Variants in CACNA2D3 observed in about 807,000 individuals in gnomAD.
CACNA2D3 encodes the protein voltage-dependent calcium channel subunit alpha-2/delta-3.
A neutral mutation model predicts 160.6 loss-of-function variants in CACNA2D3; 60 were observed. The ratio of observed to expected loss-of-function variants is 0.37; its 90% CI spans 0.30 to 0.46. CACNA2D3 has a LOEUF of 0.46. Among genes scored for constraint, CACNA2D3 ranks in the 20% least tolerant of loss-of-function variants. CACNA2D3 has a pLI of 1.00. For missense variants in CACNA2D3, 1,205 were observed against 1,365.0 expected, an observed-to-expected ratio of 0.88 and a Z score of 1.85; for synonymous variants, 558 against 492.9, an observed-to-expected ratio of 1.13 and a Z score of -1.75.
chr3:54,474,240 C>T (rs1420517519), intron 4 of CACNA2D3, among the ~76,000 whole-genome samples: 2 of 152,158 alleles, frequency 1.3e-5, no homozygotes, highest in Non-Finnish European at 2.9e-5. Flanking sequence ...GAGTTCATGT[C>T]CTTTGCGGGG....
intron 17 of CACNA2D3, among the ~76,000 whole-genome samples, chr3:54,860,016 A>G (rs1237625707): frequency 6.6e-6 from 1 of 151,114 alleles, no homozygotes; most frequent in Admixed American, 6.6e-5. Context: ...ACACACACAA[A>G]CACACATATT....
chr3:54,663,887 C>T (rs373442083), intron 11 of CACNA2D3, among the ~76,000 whole-genome samples: 2 of 152,202 alleles, frequency 1.3e-5, no homozygotes, highest in African/African-American at 4.8e-5. Flanking sequence ...TCCCTTCTTG[C>T]GTCCTGATGG....
intron 35 of CACNA2D3, among the ~76,000 whole-genome samples, chr3:55,040,360 G>A (rs1703930857): frequency 6.6e-6 from 1 of 152,030 alleles, no homozygotes; most frequent in South Asian, 2.1e-4. Flanking sequence ...AACCATATCA[G>A]CATAATAATT....
At chr3:54,981,180 C>A (rs1229983855) in intron 29 of CACNA2D3, among the ~76,000 whole-genome samples, 1 of 152,206 alleles carries the variant, frequency 6.6e-6, no homozygotes, top group East Asian at 1.9e-4. Flanking sequence ...GAAATGTCAT[C>A]CAGTTCTTTT....
chr3:54,606,905 C>G (rs1258253818), intron 9 of CACNA2D3, among the ~76,000 whole-genome samples: 2 of 152,192 alleles, frequency 1.3e-5, no homozygotes, highest in East Asian at 3.9e-4. Context: ...ATCTCCCAGT[C>G]CTGTGCTGCA....
intron 2 of CACNA2D3, among the ~76,000 whole-genome samples, chr3:54,228,740 C>G (rs1701717735): frequency 6.6e-6 from 1 of 152,232 alleles, no homozygotes; most frequent in South Asian, 2.1e-4. Context: ...ATAATAGCCT[C>G]AGTCTGAATT....
chr3:54,359,500 T>G (rs2107540015), intron 3 of CACNA2D3, among the ~76,000 whole-genome samples: 1 of 152,272 alleles, frequency 6.6e-6, no homozygotes, highest in Non-Finnish European at 1.5e-5. Context: ...TCCACATAGC[T>G]TAGGCCTGGA....
chr3:54,706,596 A>C (rs995775062), intron 11 of CACNA2D3, among the ~76,000 whole-genome samples: 1 of 152,184 alleles, frequency 6.6e-6, no homozygotes, highest in Non-Finnish European at 1.5e-5. Context: ...CTTGAATAAC[A>C]ACACCTCAGT....
At chr3:54,815,086 C>A (rs1703416722) in intron 13 of CACNA2D3, among the ~76,000 whole-genome samples, 3 of 152,152 alleles carry the variant, frequency 2.0e-5, no homozygotes, top group Admixed American at 2.0e-4. Context: ...AAAAGTGATT[C>A]CTCATTTTAA....
At chr3:55,001,492 A>G (rs1197819089) in intron 31 of CACNA2D3, among the ~76,000 whole-genome samples, 1 of 152,168 alleles carries the variant, frequency 6.6e-6, no homozygotes, top group Non-Finnish European at 1.5e-5. Context: ...CCCTATGACC[A>G]CCCTATAAGG....
At chr3:54,883,314 G>A (rs796190082) in intron 21 of CACNA2D3, among the ~76,000 whole-genome samples, 16 of 152,222 alleles carry the variant, frequency 1.1e-4, no homozygotes, top group African/African-American at 3.6e-4. Context: ...GAGCCACCGC[G>A]CCTGGCCACT....
chr3:54,763,609 T>C (rs1372519328), intron 12 of CACNA2D3, among the ~76,000 whole-genome samples: 2 of 149,816 alleles, frequency 1.3e-5, no homozygotes, highest in Middle Eastern at 3.2e-3. Context: ...ACACACAGTA[T>C]GTCTGTGTAA....
intron 4 of CACNA2D3, among the ~76,000 whole-genome samples, chr3:54,454,657 G>C (rs1423640707): frequency 6.6e-6 from 1 of 151,896 alleles, no homozygotes; most frequent in Admixed American, 6.6e-5. Context: ...TAAATTGTTA[G>C]TTATAGACAC....
intron 4 of CACNA2D3, among the ~76,000 whole-genome samples, chr3:54,444,101 C>T (rs1244783553): frequency 6.6e-6 from 1 of 152,106 alleles, no homozygotes; most frequent in Non-Finnish European, 1.5e-5. Flanking sequence ...GCATTTCCCC[C>T]TTATCTATTT....
intron 27 of CACNA2D3, among the ~76,000 whole-genome samples, chr3:54,927,150 C>A: frequency 6.6e-6 from 1 of 152,142 alleles, no homozygotes; most frequent in Non-Finnish European, 1.5e-5. Context: ...TTGTTTTGGG[C>A]CTTAACTAGG....
At chr3:54,673,794 T>C (rs1021987574) in intron 11 of CACNA2D3, among the ~76,000 whole-genome samples, 2 of 152,214 alleles carry the variant, frequency 1.3e-5, no homozygotes, top group Non-Finnish European at 2.9e-5. Flanking sequence ...AAAAGCTTCT[T>C]TCTCAATATT....
chr3:54,167,809 T>C (rs1394680834), intron 2 of CACNA2D3, among the ~76,000 whole-genome samples: 1 of 152,204 alleles, frequency 6.6e-6, no homozygotes, highest in African/African-American at 2.4e-5. Flanking sequence ...AGGCTTTAAG[T>C]CTTGGGACAA....
chr3:54,863,544 G>C (rs1699338732), intron 17 of CACNA2D3, among the ~76,000 whole-genome samples: 1 of 152,030 alleles, frequency 6.6e-6, no homozygotes, highest in Admixed American at 6.6e-5. Context: ...TTTTGAGAAT[G>C]GGAGCTTAAA....
intron 5 of CACNA2D3, among the ~76,000 whole-genome samples, chr3:54,530,683 C>T (rs1053875577): frequency 6.6e-6 from 1 of 152,216 alleles, no homozygotes; most frequent in Non-Finnish European, 1.5e-5. Flanking sequence ...AAGATCAGCT[C>T]TGTTCCATCC....
Sources: gnomAD v4.1 joint callset for allele counts (sites outside exome capture counted in the v4.1 genomes callset) on GRCh38, gnomAD v4.1.1 for gene constraint, MANE v1.5 for transcripts, NCBI Gene and HGNC (gene_info 2026-07-23, HGNC 2026-07-21) for gene names.